The following ATG9B variants were observed in gnomAD, a reference collection of about 807,000 sequenced individuals.
ATG9B encodes autophagy related 9B, also known as autophagy-related protein 9B.
Under a neutral mutation model 92.9 loss-of-function variants are expected in ATG9B, and 92 were observed. That is an observed-to-expected ratio of 0.99 (90% confidence interval 0.84 to 1.18). The LOEUF (loss-of-function observed/expected upper bound fraction) is 1.18, where lower values mean the gene tolerates loss of function less well. ATG9B is among the 50% of genes most tolerant of loss of function. The pLI, the probability that ATG9B is intolerant of heterozygous loss-of-function variation, is 0.00. For missense variants in ATG9B, 1,344 were observed against 1,235.0 expected, an observed-to-expected ratio of 1.09 and a Z score of -1.32; for synonymous variants, 599 against 551.4, an observed-to-expected ratio of 1.09 and a Z score of -1.21.
chr7:151,014,543 C>CT (rs1795401637), downstream of ATG9B: 1 of 215,578 alleles, frequency 4.6e-6, no homozygotes, highest in African/African-American at 2.3e-5. Flanking sequence ...CCATAAGGGA[C>CT]TGTGCCAGAT....
At chr7:151,020,302 C>G (rs1239012620) in intron 5 of ATG9B, 1 of 152,860 alleles carries the variant, frequency 6.5e-6, no homozygotes, top group African/African-American at 2.4e-5. Flanking sequence ...TCAAGTCCCC[C>G]AGGCTGGCCT....
chr7:151,017,311 G>A (rs1429061192), intron 8 of ATG9B, 39 bp from the exon 9 acceptor site: 1 of 1,531,118 alleles, frequency 6.5e-7, no homozygotes, highest in Admixed American at 2.0e-5. Context: ...TAAGAACACT[G>A]AGCCTTATGG....
downstream of ATG9B, chr7:151,014,436 G>A (rs1795397600): frequency 2.2e-6 from 1 of 463,732 alleles, no homozygotes; most frequent in African/African-American, 2.0e-5. Context: ...CCCGCTTCCT[G>A]TTTCTTAGTC....
At chr7:151,023,400 A>G (rs1795825136) in intron 3 of ATG9B, 45 bp downstream of exon 3, 1 of 1,608,494 alleles carries the variant, frequency 6.2e-7, no homozygotes, top group South Asian at 1.1e-5. Context: ...GAAGGAAGCC[A>G]TGGGCCCAGG....
At chr7:151,012,634 A>C, downstream of ATG9B, 3 of 800,652 alleles carry the variant, frequency 3.7e-6, no homozygotes, top group East Asian at 8.2e-5. Context: ...ACCAAAGGCA[A>C]GGGCTGGGCC....
In ATG9B at chr7:151,018,207, C is replaced by T; in HGVS notation, c.1872+87G>A. The T allele has an allele frequency of 2.7e-6, 4 of 1,491,118 alleles. No homozygotes were observed. The highest frequency in any genetic ancestry group is 3.5e-6 in the Non-Finnish European group (4 of 1,128,280). 92.4% of individuals were successfully genotyped at this position (1,491,118 alleles called of 1,614,324 possible). On this transcript the variant is annotated intron_variant, in intron 7 of 13. Coordinates refer to ENST00000639579, the MANE Select transcript of ATG9B (RefSeq NM_001317056.2). The surrounding 1 kb of genome is among the most constrained non-coding windows in gnomAD (Gnocchi z 4.7). ...ATAGTCCGTTTGTCTCATGCCCTCTCCCAGACAGACCCTCCGCGCAGACAG... is the reference window on the plus strand; with the variant it reads ...ATAGTCCGTTTGTCTCATGCCCTCTTCCAGACAGACCCTCCGCGCAGACAG...
chr7:151,017,590 T>C (rs1390538530), intron 8 of ATG9B, among the ~76,000 whole-genome samples: 2 of 152,170 alleles, frequency 1.3e-5, no homozygotes, highest in African/African-American at 4.8e-5. Context: ...CAGGTGGTCT[T>C]TGCTCCCATT....
At position 151,023,156 on chromosome 7, in the gene ATG9B, TC is replaced by T; in HGVS notation, c.709del (p.Asp237IlefsTer23). ...TTGGTTGGCAAAGAGAACATTGTAA[TC>T]CACGCATCGAAGGAGGAAGGTTGTG... ...TFTTFLLRCV[D>X]YNVLFANQPS... On this transcript the variant is annotated frameshift_variant, in exon 4 of 14. Transcript: ENST00000639579. LOFTEE classifies it high-confidence loss of function. 1 of 1,614,176 alleles carries T rather than the reference TC, an allele frequency of 6.2e-7. No individual in the cohort carries two copies. The highest frequency in any genetic ancestry group is 1.3e-5 in the African/African-American group (1 of 75,044).
chr7:151,013,509 C>T (rs771810010), downstream of ATG9B: 38 of 1,251,680 alleles, frequency 3.0e-5, no homozygotes, highest in Non-Finnish European at 3.8e-5. Flanking sequence ...CCCCTGCACA[C>T]TCTGGCCCAC....
chr7:151,012,654 T>C (rs1324338596), downstream of ATG9B: 3 of 628,976 alleles, frequency 4.8e-6, no homozygotes, highest in Non-Finnish European at 8.0e-6. Context: ...CCTGAGCTTC[T>C]GGCTTCCTGG....
At chr7:151,022,889 A>C (rs1795802611) in intron 4 of ATG9B, among the ~76,000 whole-genome samples, 156 bp downstream of exon 4, 1 of 152,088 alleles carries the variant, frequency 6.6e-6, no homozygotes. Flanking sequence ...TAATACACTT[A>C]AGTACAACTT....
rs1032725614 is a variant in ATG9B at position 151,016,507 on chromosome 7, G to A, written c.2444C>T (p.Thr815Ile). 29 of 1,551,068 alleles carry A rather than the reference G, an allele frequency of 1.9e-5. No individual in the cohort carries two copies. Among genetic ancestry groups the A allele is most frequent in the Non-Finnish European group, 2.5e-5 (29 of 1,146,962 alleles). The change falls in exon 11 of 14, where the codon ACT (threonine) becomes ATT (isoleucine). Residue 815 changes from threonine (T) to isoleucine (I), a missense_variant. By Grantham distance (89) the Thr-to-Ile change is moderately conservative (BLOSUM62 -1). Coordinates refer to ENST00000639579, the MANE Select transcript of ATG9B (RefSeq NM_001317056.2). Reference sequence around the variant, plus strand: ...GAGCTGGGCCAGCTTCTGGCCCCCAGTGCCTCCTGGGGACACAGAGCTGGA... The same window carrying A: ...GAGCTGGGCCAGCTTCTGGCCCCCAATGCCTCCTGGGGACACAGAGCTGGA... Reference protein sequence around the residue: ...QDPSSVSPGGTGGQKLAQLPE... With the variant: ...QDPSSVSPGGIGGQKLAQLPE...
At chr7:151,013,725 C>A, downstream of ATG9B, 1 of 1,602,046 alleles carries the variant, frequency 6.2e-7, no homozygotes, top group Non-Finnish European at 8.5e-7. Context: ...GCCCCGCAGA[C>A]CTACGTGCAG....
downstream of ATG9B, chr7:151,013,506 A>G: frequency 2.3e-6 from 3 of 1,277,824 alleles, no homozygotes; most frequent in Non-Finnish European, 3.2e-6. Flanking sequence ...CCACCCCTGC[A>G]CACTCTGGCC....
rs1795603249 is a variant in ATG9B, at chr7:151,018,463, C to T, written c.1719-16G>A. On this transcript the variant is annotated splice_polypyrimidine_tract_variant and intron_variant, in intron 6 of 13. Coordinates refer to ENST00000639579, the MANE Select transcript of ATG9B (RefSeq NM_001317056.2). The surrounding 1 kb of genome is among the most constrained non-coding windows in gnomAD (Gnocchi z 4.7). ...AATGAAAGACCTGAAAGGCGGGATCCGTGGGGGGAAGGGGCCTGCGATTAG... is the reference window on the plus strand; with the variant it reads ...AATGAAAGACCTGAAAGGCGGGATCTGTGGGGGGAAGGGGCCTGCGATTAG... 2 of 1,519,886 alleles carry T rather than the reference C, an allele frequency of 1.3e-6. No homozygotes were observed. The highest frequency in any genetic ancestry group is 2.8e-5 in the African/African-American group (2 of 71,674). The allele number at this position is 1,519,886 out of a possible 1,614,324, so 94.1% of individuals were successfully genotyped here. A position where few individuals can be genotyped will look rare whatever the true frequency, so the allele number is the denominator to read the frequency against.
At chr7:151,012,365 G>A (rs151262456), downstream of ATG9B, 1,265 of 1,570,510 alleles carry the variant, frequency 8.1e-4, no homozygotes, top group Non-Finnish European at 1.0e-3. Flanking sequence ...CCCTCCTTCC[G>A]GCTGCCACCC....
intron 5 of ATG9B, chr7:151,019,795 G>GCAGAT (rs1795680673): frequency 6.1e-6 from 1 of 164,050 alleles, no homozygotes. Flanking sequence ...GCTGAGGCAG[G>GCAGAT]CAGATCGTCT....
At position 151,022,284 on chromosome 7, in the gene ATG9B, C is replaced by T. The variant is rs540691155; in HGVS notation, c.821+761G>A. On this transcript the variant is annotated intron_variant, in intron 4 of 13. Transcript: ENST00000639579. ...CTAGGCTTAGCTAGGACTGCAGGTA[C>T]GCACCACCAAGCCCAGCTAATTTTT... 6.1e-5 allele frequency among the ~76,000 whole-genome samples: 9 copies of T among 147,822 alleles called. No individual in the cohort carries two copies. In the South Asian group the frequency reaches 6.3e-4, roughly 10 times the overall value.
chr7:151,018,435 C>T lies in ATG9B; in HGVS notation c.1731G>A (p.Pro577=). 6.5e-7 allele frequency: 1 copy of T among 1,526,976 alleles called. No homozygotes were observed. The highest frequency in any genetic ancestry group is 1.3e-5 in the South Asian group (1 of 77,812). The allele number at this position is 1,526,976 out of a possible 1,614,324, so 94.6% of individuals were successfully genotyped here. ...VTATVARSFI[P]EEQCQGRAPQ... ...GCGCACGACCCTGGCACTGCTCTTC[C>T]GGAATGAAAGACCTGAAAGGCGGGA... The change falls in exon 7 of 14, where the codon CCG becomes CCA. Residue 577 remains proline, a synonymous_variant. Transcript: ENST00000639579. This position sits in a 1 kb window ranked among gnomAD's most constrained non-coding sequence, Gnocchi z 4.7.
Sources: gnomAD v4.1 joint callset for allele counts (sites outside exome capture counted in the v4.1 genomes callset) on GRCh38, gnomAD v4.1.1 for gene constraint, Gnocchi (gnomAD v3.1) non-coding constraint, MANE v1.5 for transcripts, NCBI Gene and HGNC (gene_info 2026-07-23, HGNC 2026-07-21) for gene names.